The following CSMD1 variants were observed in gnomAD, a reference collection of about 807,000 sequenced individuals.
CSMD1 encodes the protein CUB and sushi domain-containing protein 1.
Under a neutral mutation model 417.5 loss-of-function variants are expected in CSMD1, and 213 were observed. That is an observed-to-expected ratio of 0.51 (90% CI 0.46 to 0.57). CSMD1 has a LOEUF of 0.57. Ranked by LOEUF, CSMD1 falls within the 20% of genes least tolerant of loss-of-function variation. The pLI is 0.00. For synonymous variants in CSMD1, 2,862 were observed against 1,736.8 expected (o/e 1.65, Z -16.11); for missense variants, 6,923 against 4,529.7 (o/e 1.53, Z -15.17).
chr8:3,875,937 G>A (rs58002999), intron 5 of CSMD1, among the ~76,000 whole-genome samples: 1,909 of 152,284 alleles, frequency 0.013, 41 homozygotes, highest in African/African-American at 0.044. Context: ...TCAATGGGAA[G>A]CTCGGAGGCA....
At chr8:3,551,180 T>C (rs1460175972) in intron 10 of CSMD1, among the ~76,000 whole-genome samples, 1 of 152,236 alleles carries the variant, frequency 6.6e-6, no homozygotes, top group Non-Finnish European at 1.5e-5. Flanking sequence ...CATAGGGCGT[T>C]CAAAGATTCA....
chr8:3,789,432 T>C (rs1345132456), intron 5 of CSMD1, among the ~76,000 whole-genome samples: 1 of 105,638 alleles, frequency 9.5e-6, no homozygotes, highest in Non-Finnish European at 1.8e-5. Context: ...AGTAGTGTTT[T>C]TTTTTAAGTG....
At chr8:3,861,213 T>C (rs1172017357) in intron 5 of CSMD1, among the ~76,000 whole-genome samples, 1 of 152,190 alleles carries the variant, frequency 6.6e-6, no homozygotes, top group African/African-American at 2.4e-5. Flanking sequence ...AGTTGTCTAA[T>C]GTGATTGCAG....
intron 3 of CSMD1, among the ~76,000 whole-genome samples, chr8:4,086,007 G>C (rs1311928519): frequency 6.6e-6 from 1 of 152,102 alleles, no homozygotes; most frequent in Non-Finnish European, 1.5e-5. Flanking sequence ...GAAGGAGCAA[G>C]GACTAACAAA....
At chr8:3,558,483 C>T (rs556732501) in intron 10 of CSMD1, among the ~76,000 whole-genome samples, 6 of 151,286 alleles carry the variant, frequency 4.0e-5, no homozygotes, top group African/African-American at 1.5e-4. Context: ...ATGTCCACTC[C>T]TCCAATGATG....
chr8:4,096,287 A>G (rs916390121), intron 3 of CSMD1, among the ~76,000 whole-genome samples: 5 of 152,120 alleles, frequency 3.3e-5, no homozygotes, highest in Middle Eastern at 3.2e-3. Flanking sequence ...TTGGGATGCC[A>G]TTGTGCTAGG....
intron 2 of CSMD1, among the ~76,000 whole-genome samples, chr8:4,629,978 C>A (rs890053330): frequency 2.6e-5 from 4 of 152,100 alleles, no homozygotes; most frequent in Non-Finnish European, 5.9e-5. Context: ...CTTTTCCACA[C>A]ACCTGTATTT....
chr8:3,981,854 G>A (rs1813896526), intron 5 of CSMD1, among the ~76,000 whole-genome samples: 2 of 152,166 alleles, frequency 1.3e-5, no homozygotes, highest in South Asian at 2.1e-4. Context: ...ACTTGCTGCA[G>A]GGAGTAATGC....
chr8:4,889,604 A>T (rs1021372242), intron 1 of CSMD1, among the ~76,000 whole-genome samples: 5 of 152,114 alleles, frequency 3.3e-5, no homozygotes, highest in African/African-American at 1.2e-4. Flanking sequence ...TAGAAAAAAA[A>T]CCATAATGAC....
At chr8:4,748,515 T>C (rs1326747642) in intron 1 of CSMD1, among the ~76,000 whole-genome samples, 1 of 152,226 alleles carries the variant, frequency 6.6e-6, no homozygotes, top group African/African-American at 2.4e-5. Flanking sequence ...GTTAGTTTCT[T>C]TGTAACTGTT....
At chr8:3,469,923 T>C (rs565074301) in intron 11 of CSMD1, among the ~76,000 whole-genome samples, 8 of 152,258 alleles carry the variant, frequency 5.3e-5, no homozygotes, top group Non-Finnish European at 8.8e-5. Context: ...ATTGTTCTTT[T>C]TCATTTGCTT....
intron 30 of CSMD1, among the ~76,000 whole-genome samples, chr8:3,208,949 T>C (rs1797450145): frequency 6.6e-6 from 1 of 152,216 alleles, no homozygotes; most frequent in Admixed American, 6.5e-5. Context: ...TAATGCTTAA[T>C]AAACTCCCCT....
chr8:4,911,332 G>C (rs1805657086), intron 1 of CSMD1, among the ~76,000 whole-genome samples: 1 of 152,162 alleles, frequency 6.6e-6, no homozygotes, highest in Non-Finnish European at 1.5e-5. Flanking sequence ...TAACCAATAT[G>C]CAGATGAAAG....
At chr8:4,482,247 C>T (rs1297374689) in intron 2 of CSMD1, among the ~76,000 whole-genome samples, 2 of 152,174 alleles carry the variant, frequency 1.3e-5, no homozygotes, top group African/African-American at 2.4e-5. Flanking sequence ...TCCCTTCTCC[C>T]ATCCTCCACC....
intron 6 of CSMD1, among the ~76,000 whole-genome samples, chr8:3,716,436 A>C (rs1405524160): frequency 3.3e-5 from 5 of 152,234 alleles, no homozygotes. Flanking sequence ...GGGGTGGATT[A>C]TTCATGCCTC....
At chr8:4,931,674 T>C (rs1462270800) in intron 1 of CSMD1, among the ~76,000 whole-genome samples, 1 of 152,222 alleles carries the variant, frequency 6.6e-6, no homozygotes, top group Non-Finnish European at 1.5e-5. Context: ...TATTTGTGTT[T>C]AAGATTATGT....
At chr8:4,932,885 T>C (rs890917989) in intron 1 of CSMD1, among the ~76,000 whole-genome samples, 8 of 152,220 alleles carry the variant, frequency 5.3e-5, no homozygotes, top group Non-Finnish European at 1.2e-4. Flanking sequence ...GCAATATTAA[T>C]TTTTACTATG....
At chr8:3,352,806 C>T (rs768063989) in intron 21 of CSMD1, among the ~76,000 whole-genome samples, 1 of 152,198 alleles carries the variant, frequency 6.6e-6, no homozygotes, top group Non-Finnish European at 1.5e-5. Flanking sequence ...TGCCATTGCA[C>T]TCTACTCTGG....
chr8:4,526,538 A>G (rs1469425402), intron 2 of CSMD1, among the ~76,000 whole-genome samples: 1 of 152,256 alleles, frequency 6.6e-6, no homozygotes, highest in Non-Finnish European at 1.5e-5. Flanking sequence ...ACTGAATTAT[A>G]GAACTGTGTT....
Sources: allele counts gnomAD v4.1 joint callset (sites outside exome capture counted in the v4.1 genomes callset), GRCh38; gene constraint gnomAD v4.1.1; transcripts MANE v1.5; gene names NCBI Gene and HGNC (gene_info 2026-07-23, HGNC 2026-07-21).